The following AK8 variants were observed in gnomAD, a reference collection of about 807,000 sequenced individuals.
AK8 encodes adenylate kinase 8.
AK8 carries 44 observed loss-of-function variants against 54.6 expected under a neutral mutation model. That is an observed-to-expected ratio of 0.81 (90% CI 0.63 to 1.04). The LOEUF (loss-of-function observed/expected upper bound fraction) is 1.04, where lower values mean the gene tolerates loss of function less well. Among genes scored for constraint, AK8 ranks in the 50% least tolerant of loss-of-function variants. AK8 has a pLI of 0.00. For synonymous variants in AK8, 239 were observed against 245.6 expected, an observed-to-expected ratio of 0.97 and a Z score of 0.25; for missense variants, 555 against 613.6, an observed-to-expected ratio of 0.90 and a Z score of 1.01.
chr9:132,756,952 C>G (rs1040340503), intron 11 of AK8, among the ~76,000 whole-genome samples: 7 of 152,304 alleles, frequency 4.6e-5, no homozygotes, highest in Non-Finnish European at 8.8e-5. Flanking sequence ...CATTTCCCCC[C>G]CAAATATTTA....
rs1172727291 is a variant in AK8, at chr9:132,860,097, A to G, written c.333+3568T>C. On this transcript the variant is annotated intron_variant, in intron 4 of 12. Transcript: ENST00000298545. The surrounding 1 kb of genome is among the most constrained non-coding windows in gnomAD (Gnocchi z 4.4). ...ACTCAGGGGAGCCAGTCGCCAGCCAATGACCTTGGCTGGTGTCCAGGGACA... is the reference window on the plus strand; with the variant it reads ...ACTCAGGGGAGCCAGTCGCCAGCCAGTGACCTTGGCTGGTGTCCAGGGACA... 4.6e-5 allele frequency among the ~76,000 whole-genome samples: 7 copies of G among 152,042 alleles called. No individual in the cohort carries two copies. Among genetic ancestry groups the G allele is most frequent in the Admixed American group, 3.3e-4 (5 of 15,264 alleles).
chr9:132,827,995 G>A lies in AK8; in HGVS notation c.556+18C>T. 1.3e-6 allele frequency: 2 copies of A among 1,555,930 alleles called. No homozygotes were observed. ...TCTGAAACCCCATGGGGCTGGGTGG[G>A]GGTGGCCGTAGCCATACCTCCAGTT... is the stretch of plus-strand genomic sequence containing the variant. On this transcript the variant is annotated intron_variant, in intron 7 of 12. Coordinates refer to ENST00000298545, the MANE Select transcript of AK8 (RefSeq NM_152572.3).
At chr9:132,859,963 G>A (rs373926293) in intron 4 of AK8, among the ~76,000 whole-genome samples, 13 of 152,124 alleles carry the variant, frequency 8.5e-5, no homozygotes, top group South Asian at 2.1e-4. Context: ...CACGGTGTTC[G>A]GCGAGAGGAC....
intron 11 of AK8, among the ~76,000 whole-genome samples, chr9:132,730,543 A>C (rs965266600): frequency 7.3e-5 from 11 of 150,642 alleles, no homozygotes; most frequent in Middle Eastern, 3.4e-3. Context: ...TGTAATTCCC[A>C]GGGGCCAGTT....
chr9:132,824,969 T>C (rs1366335465), intron 8 of AK8, among the ~76,000 whole-genome samples: 1 of 152,208 alleles, frequency 6.6e-6, no homozygotes, highest in Non-Finnish European at 1.5e-5. Context: ...GGCTGAGACT[T>C]GGCAGAGCTG....
At chr9:132,740,306 GCTTA>G (rs1218397260) in intron 11 of AK8, among the ~76,000 whole-genome samples, 1 of 152,168 alleles carries the variant, frequency 6.6e-6, no homozygotes, top group Non-Finnish European at 1.5e-5. Context: ...ACTGGATTAT[GCTTA>G]CTTTTCACAT....
At chr9:132,856,413 C>T (rs1843173864) in intron 4 of AK8, among the ~76,000 whole-genome samples, 1 of 152,226 alleles carries the variant, frequency 6.6e-6, no homozygotes, top group Non-Finnish European at 1.5e-5. Flanking sequence ...CAGTAGAAAT[C>T]AGTAATGAGA....
Position 132,823,311 on chromosome 9 carries a change from ATGGTTGCTT to A in AK8, c.774_782del (p.Gln258_Asn260del). 1 of 1,613,928 alleles carries A rather than the reference ATGGTTGCTT, an allele frequency of 6.2e-7. No homozygotes were observed. The highest frequency in any genetic ancestry group is 8.5e-7 in the Non-Finnish European group (1 of 1,179,906). On this transcript the variant is annotated inframe_deletion, in exon 9 of 13. Transcript: ENST00000298545. ...TCGGGGTGAACGGGGCATTAGTACGATGGTTGCTTTGGACATAGGTCAGAGCTGGAAAGA... is the reference window on the plus strand; with the variant it reads ...TCGGGGTGAACGGGGCATTAGTACGATGGACATAGGTCAGAGCTGGAAAGA...
At position 132,746,587 on chromosome 9, in the gene AK8, G is replaced by C. The variant is rs191050169; in HGVS notation, c.1122-19053C>G. Among the ~76,000 whole-genome samples, 24 of 152,362 alleles carry C rather than the reference G, an allele frequency of 1.6e-4. No individual in the cohort carries two copies. The East Asian group carries it at 4.6e-3, about 29-fold the overall frequency. On this transcript the variant is annotated intron_variant, in intron 11 of 12. Coordinates refer to ENST00000298545, the MANE Select transcript of AK8 (RefSeq NM_152572.3). ...CACATGCTAATAGAGATTCCGACTT[G>C]CGCAACAGGGAGGCTCTATCCATCA... is the stretch of plus-strand genomic sequence containing the variant.
At chr9:132,801,229 G>A (rs1002556999) in intron 10 of AK8, among the ~76,000 whole-genome samples, 1 of 152,256 alleles carries the variant, frequency 6.6e-6, no homozygotes, top group East Asian at 1.9e-4. Context: ...CGCCTGGCCA[G>A]TTTGTCCCTT....
intron 11 of AK8, among the ~76,000 whole-genome samples, chr9:132,749,881 T>C (rs987592323): frequency 2.0e-5 from 3 of 151,850 alleles, no homozygotes; most frequent in Non-Finnish European, 2.9e-5. Flanking sequence ...CAGGAGGCCA[T>C]GGGGCTGGTG....
chr9:132,830,042 G>A (rs1842041515), intron 5 of AK8, among the ~76,000 whole-genome samples: 1 of 152,146 alleles, frequency 6.6e-6, no homozygotes, highest in Admixed American at 6.5e-5. Flanking sequence ...CCCGGTGGCT[G>A]GGGGTTGTGG....
At chr9:132,800,539 G>A (rs1029475208) in intron 10 of AK8, among the ~76,000 whole-genome samples, 2 of 152,086 alleles carry the variant, frequency 1.3e-5, no homozygotes, top group Non-Finnish European at 2.9e-5. Flanking sequence ...CCATCTGGCC[G>A]GGCCTTGGTT....
intron 11 of AK8, among the ~76,000 whole-genome samples, chr9:132,750,971 C>T (rs1232743088): frequency 6.6e-6 from 1 of 152,018 alleles, no homozygotes; most frequent in East Asian, 1.9e-4. Context: ...AACTGTTTAT[C>T]TGGGTTATGC....
chr9:132,852,335 C>G (rs1261259202), intron 5 of AK8, among the ~76,000 whole-genome samples: 1 of 152,020 alleles, frequency 6.6e-6, no homozygotes. Context: ...TTGGGCCGGG[C>G]GCGGTGGCTC....
intron 11 of AK8, among the ~76,000 whole-genome samples, chr9:132,756,498 A>G (rs1436492949): frequency 6.6e-6 from 1 of 152,202 alleles, no homozygotes; most frequent in African/African-American, 2.4e-5. Context: ...CATGGTAACA[A>G]ATTCCTTTTA....
At chr9:132,763,277 A>G (rs908068052) in intron 11 of AK8, among the ~76,000 whole-genome samples, 3 of 152,254 alleles carry the variant, frequency 2.0e-5, no homozygotes, top group Non-Finnish European at 4.4e-5. Flanking sequence ...CAATGGCATA[A>G]AACTAGAAAT....
chr9:132,872,528 T>C (rs1843893865), intron 2 of AK8, among the ~76,000 whole-genome samples: 1 of 152,112 alleles, frequency 6.6e-6, no homozygotes, highest in Admixed American at 6.6e-5. Context: ...GTATTCAAGA[T>C]GAAGTCGTGG....
At chr9:132,757,257 C>T (rs1450835677) in intron 11 of AK8, among the ~76,000 whole-genome samples, 1 of 152,176 alleles carries the variant, frequency 6.6e-6, no homozygotes, top group Admixed American at 6.5e-5. Context: ...TCAGAGGGTT[C>T]CGGAGCAGGA....
Sources: allele counts gnomAD v4.1 joint callset (sites outside exome capture counted in the v4.1 genomes callset), GRCh38; gene constraint gnomAD v4.1.1; non-coding constraint Gnocchi (gnomAD v3.1); transcripts MANE v1.5; gene names NCBI Gene and HGNC (gene_info 2026-07-23, HGNC 2026-07-21).